Variants in NPEPPS observed in about 807,000 individuals in gnomAD.
NPEPPS encodes puromycin-sensitive aminopeptidase.
A neutral mutation model predicts 115.5 loss-of-function variants in NPEPPS; 14 were observed. That is an observed-to-expected ratio of 0.12 (90% CI 0.08 to 0.19). NPEPPS has a LOEUF of 0.19. Ranked by LOEUF, NPEPPS falls within the 10% of genes least tolerant of loss-of-function variation. The pLI is 1.00. For synonymous variants in NPEPPS, 285 were observed against 390.6 expected, an observed-to-expected ratio of 0.73 and a Z score of 3.19; for missense variants, 523 against 1,110.8, an observed-to-expected ratio of 0.47 and a Z score of 7.52.
intron 1 of NPEPPS, among the ~76,000 whole-genome samples, chr17:47,544,736 C>A (rs1216945879): frequency 8.8e-6 from 1 of 114,082 alleles, no homozygotes. Flanking sequence ...TTTTTTGAGA[C>A]GTAGGCTCAC....
intron 17 of NPEPPS, among the ~76,000 whole-genome samples, chr17:47,611,019 A>C (rs1275641062): frequency 1.3e-5 from 2 of 150,144 alleles, no homozygotes; most frequent in Non-Finnish European, 3.0e-5. Context: ...ACACCTGGCT[A>C]ATTTTTTGTA....
At chr17:47,578,834 T>C (rs2143831319) in intron 3 of NPEPPS, among the ~76,000 whole-genome samples, 1 of 152,212 alleles carries the variant, frequency 6.6e-6, no homozygotes, top group African/African-American at 2.4e-5. Context: ...AGTAATTGGC[T>C]ACATTTCTCT....
intron 17 of NPEPPS, among the ~76,000 whole-genome samples, chr17:47,610,394 T>G (rs182694243): frequency 0.059 from 8,931 of 150,534 alleles, 317 homozygotes; most frequent in East Asian, 0.12. Context: ...CTTTTTTTTT[T>G]GGGGGGGGGT....
Position 47,531,660 on chromosome 17 carries a change from C to T in NPEPPS, c.255+105C>T, listed in dbSNP as rs560077315. 15 of 1,147,228 alleles carry T rather than the reference C, an allele frequency of 1.3e-5. No homozygotes were observed. In the East Asian group the frequency reaches 7.1e-4, roughly 54 times the overall value. 71.1% of individuals were successfully genotyped at this position (1,147,228 alleles called of 1,614,324 possible). A position where few individuals can be genotyped will look rare whatever the true frequency, so the allele number is the denominator to read the frequency against. ...CCGGGAGGGCGGGCGGGCCTCGGGT[C>T]GGGGCTGGGCGGCCGCAGGGCGCCG... On this transcript the variant is annotated intron_variant, in intron 1 of 22. Transcript: ENST00000322157.
chr17:47,597,279 C>G (rs1912939935), intron 13 of NPEPPS, among the ~76,000 whole-genome samples: 1 of 152,138 alleles, frequency 6.6e-6, no homozygotes, highest in African/African-American at 2.4e-5. Context: ...GAGAGGAGTA[C>G]TTTGGTATGA....
At chr17:47,568,891 G>T (rs557115032) in intron 2 of NPEPPS, among the ~76,000 whole-genome samples, 297 of 150,732 alleles carry the variant, frequency 2.0e-3, no homozygotes, top group African/African-American at 6.7e-3. Context: ...CTGACCCCAG[G>T]TGACCCGCCT....
chr17:47,619,437 C>G, intron 21 of NPEPPS: 2 of 508,372 alleles, frequency 3.9e-6, no homozygotes, highest in South Asian at 4.2e-5. Context: ...GCCTGTAATC[C>G]CAGCTACTTG....
chr17:47,574,166 AAATT>A (rs1245158095), intron 3 of NPEPPS, among the ~76,000 whole-genome samples: 1 of 152,180 alleles, frequency 6.6e-6, no homozygotes, highest in East Asian at 1.9e-4. Context: ...GAAAGACTGA[AAATT>A]AATTAGCTAA....
chr17:47,573,954 T>A (rs1597852475), intron 3 of NPEPPS, among the ~76,000 whole-genome samples: 1 of 152,002 alleles, frequency 6.6e-6, no homozygotes, highest in Non-Finnish European at 1.5e-5. Flanking sequence ...TGTGAAAAAA[T>A]TAGAAGTCAA....
intron 14 of NPEPPS, among the ~76,000 whole-genome samples, 160 bp downstream of exon 14, chr17:47,599,899 C>G (rs1170061739): frequency 6.6e-6 from 1 of 151,900 alleles, no homozygotes; most frequent in South Asian, 2.1e-4. Context: ...CTCACTGCAA[C>G]CTCCACCTCC....
At chr17:47,601,116 TC>T (rs1486932757) in intron 14 of NPEPPS, among the ~76,000 whole-genome samples, 1 of 152,008 alleles carries the variant, frequency 6.6e-6, no homozygotes, top group African/African-American at 2.4e-5. Flanking sequence ...ACACCTGTAG[TC>T]CCAGCTACTC....
rs551077364 is a variant in NPEPPS at position 47,539,100 on chromosome 17, C to CTT, written c.256-6794_256-6793dup. Among the ~76,000 whole-genome samples the CTT allele has an allele frequency of 1.4e-3, 188 of 135,444 alleles. 4 individuals are homozygous for CTT. In the South Asian group the frequency reaches 0.025, roughly 18 times the overall value. 88.9% of individuals were successfully genotyped at this position (135,444 alleles called of 152,430 possible). A position where few individuals can be genotyped will look rare whatever the true frequency, so the allele number is the denominator to read the frequency against. ...ACCTATTTTGGCTTTTCATCTAGGC[C>CTT]TTTTTTTTTTTTTTTTCTTTTTTCT... On this transcript the variant is annotated intron_variant, in intron 1 of 22. Transcript: ENST00000322157.
rs1913076885 is a variant in NPEPPS, at chr17:47,599,721, G to T, written c.1582G>T (p.Ala528Ser). 5.1e-6 allele frequency: 8 copies of T among 1,562,200 alleles called. No homozygotes were observed. Among genetic ancestry groups the T allele is most frequent in the East Asian group, 2.3e-5 (1 of 42,702 alleles). Reference sequence around the variant, plus strand: ...GAGGTTGTCCCAAAAGAAGTTCTGTGCTGGTGGGTCATATGTTGGTAAGTA... The same window carrying T: ...GAGGTTGTCCCAAAAGAAGTTCTGTTCTGGTGGGTCATATGTTGGTAAGTA... ...LLRLSQKKFC[A>S]GGSYVGEDCP... The change falls in exon 14 of 23, where the codon GCT becomes TCT. Residue 528 changes from alanine to serine, a missense_variant. This residue lies in a region of NPEPPS where 372 missense variants were observed against 542.6 expected (regional missense o/e 0.69). Transcript: ENST00000322157.
chr17:47,530,102 ATTTTTTT>A (rs5820660), upstream of NPEPPS, among the ~76,000 whole-genome samples: 26 of 124,248 alleles, frequency 2.1e-4, no homozygotes, highest in South Asian at 5.5e-4. Flanking sequence ...AAGCCCGGCT[ATTTTTTT>A]TTTTTTTGTA....
intron 1 of NPEPPS, among the ~76,000 whole-genome samples, chr17:47,540,035 T>A (rs1908638468): frequency 6.6e-6 from 1 of 152,232 alleles, no homozygotes; most frequent in Non-Finnish European, 1.5e-5. Flanking sequence ...GATATGTTCC[T>A]GAGTGACTGT....
At chr17:47,585,419 A>C in intron 5 of NPEPPS, 81 bp from the exon 6 acceptor site, 1 of 915,018 alleles carries the variant, frequency 1.1e-6, no homozygotes, top group South Asian at 1.5e-5. Context: ...GATGCAATAA[A>C]GCCTACAGTT....
At chr17:47,567,305 G>A (rs1567850360) in intron 2 of NPEPPS, among the ~76,000 whole-genome samples, 1 of 152,192 alleles carries the variant, frequency 6.6e-6, no homozygotes, top group African/African-American at 2.4e-5. Flanking sequence ...AATTGGTTTT[G>A]TAGAGATTTT....
At chr17:47,615,073 CTTTTTTTTTTT>C (rs60829784) in intron 19 of NPEPPS, among the ~76,000 whole-genome samples, 8 of 122,464 alleles carry the variant, frequency 6.5e-5, no homozygotes, top group East Asian at 2.3e-4. Flanking sequence ...TACTTTCTTT[CTTTTTTTTTTT>C]TTTTTTTTTT....
At chr17:47,548,001 G>A (rs1249186024) in intron 2 of NPEPPS, among the ~76,000 whole-genome samples, 2 of 152,106 alleles carry the variant, frequency 1.3e-5, no homozygotes, top group Non-Finnish European at 2.9e-5. Flanking sequence ...ACTCCAGCCT[G>A]GGCGACAGAG....
Sources: allele counts gnomAD v4.1 joint callset (sites outside exome capture counted in the v4.1 genomes callset), GRCh38; gene constraint gnomAD v4.1.1; regional missense constraint gnomAD v4.1.1; transcripts MANE v1.5; gene names NCBI Gene and HGNC (gene_info 2026-07-23, HGNC 2026-07-21).